The following KPNA7 variants were observed in gnomAD, a reference collection of about 807,000 sequenced individuals.
KPNA7 encodes the protein karyopherin subunit alpha 7, also known as importin subunit alpha-8.
Under a neutral mutation model 53.7 loss-of-function variants are expected in KPNA7, and 54 were observed. That is an observed-to-expected ratio of 1.01 (90% CI 0.81 to 1.26). KPNA7 has a LOEUF of 1.26. Among genes scored for constraint, KPNA7 ranks in the 50% most tolerant of loss-of-function variants. KPNA7 has a pLI of 0.00. For missense variants in KPNA7, 640 were observed against 644.5 expected (o/e 0.99, Z 0.07); for synonymous variants, 276 against 259.3 (o/e 1.06, Z -0.62).
At chr7:99,201,623 A>G (rs1217880368) in intron 3 of KPNA7, among the ~76,000 whole-genome samples, 1 of 150,230 alleles carries the variant, frequency 6.7e-6, no homozygotes, top group Admixed American at 6.6e-5. Flanking sequence ...AGATCGTGCC[A>G]CTGCACTCCA....
chr7:99,148,939 A>G, the KPNA7 span, among the ~76,000 whole-genome samples: 2 of 122,260 alleles, frequency 1.6e-5, no homozygotes, highest in African/African-American at 6.1e-5. Flanking sequence ...AGTGTCGCCC[A>G]GGCTGGAGTA....
intron 4 of KPNA7, among the ~76,000 whole-genome samples, chr7:99,195,539 TAAG>T (rs1158304974): frequency 6.6e-6 from 1 of 152,028 alleles, no homozygotes; most frequent in Non-Finnish European, 1.5e-5. Flanking sequence ...CCATCTCTAC[TAAG>T]AATATAAAAA....
chr7:99,159,558 T>G, the KPNA7 span, among the ~76,000 whole-genome samples: 2 of 152,068 alleles, frequency 1.3e-5, no homozygotes, highest in African/African-American at 4.8e-5. Context: ...ATGATCACAT[T>G]GCCAATTCCA....
the KPNA7 span, among the ~76,000 whole-genome samples, chr7:99,153,329 G>A: frequency 1.3e-5 from 2 of 151,978 alleles, no homozygotes; most frequent in Admixed American, 6.6e-5. Flanking sequence ...AGGCCGAGGC[G>A]GACAGATCAC....
intron 1 of KPNA7, among the ~76,000 whole-genome samples, chr7:99,214,793 C>G (rs1791175356): frequency 1.4e-5 from 2 of 145,358 alleles, no homozygotes; most frequent in Admixed American, 1.4e-4. Context: ...CTATGGGTGG[C>G]ACTTAACACA....
upstream of KPNA7, among the ~76,000 whole-genome samples, chr7:99,211,753 A>G (rs1441987271): frequency 6.6e-6 from 1 of 152,154 alleles, no homozygotes; most frequent in African/African-American, 2.4e-5. Flanking sequence ...TGGGTTTCAG[A>G]TCCTGGTGGC....
intron 1 of KPNA7, among the ~76,000 whole-genome samples, chr7:99,216,418 G>A (rs1563094765): frequency 6.6e-6 from 1 of 152,148 alleles, no homozygotes; most frequent in East Asian, 1.9e-4. Context: ...CCACCTAGGG[G>A]TTTTATTTAT....
chr7:99,187,798 TTAA>T (rs1789685771), intron 7 of KPNA7, among the ~76,000 whole-genome samples: 3 of 2,882 alleles, frequency 1.0e-3, no homozygotes, highest in African/African-American at 1.6e-3. Context: ...GCCTTTTTTT[TTAA>T]AAAAAAAAAA....
chr7:99,188,195 A>AAAAAAAAAAAAAAAAAAG (rs779112006), intron 7 of KPNA7, 105 bp downstream of exon 7: 1 of 526,412 alleles, frequency 1.9e-6, no homozygotes, highest in African/African-American at 2.1e-5. Flanking sequence ...AAAAAAAAAA[A>AAAAAAAAAAAAAAAAAAG]AAAGCAAAGA....
chr7:99,183,214 T>A (rs1056079372), intron 8 of KPNA7, among the ~76,000 whole-genome samples: 5 of 152,154 alleles, frequency 3.3e-5, no homozygotes, highest in Non-Finnish European at 7.3e-5. Context: ...ATTGTCCCAC[T>A]GCACTCCAGT....
chr7:99,150,838 G>A, the KPNA7 span, among the ~76,000 whole-genome samples: 207 of 152,220 alleles, frequency 1.4e-3, no homozygotes, highest in Non-Finnish European at 1.9e-3. Flanking sequence ...TGCAGAACCC[G>A]TAACCAAATC....
At chr7:99,181,227 G>A (rs1208237652) in intron 9 of KPNA7, among the ~76,000 whole-genome samples, 1 of 151,074 alleles carries the variant, frequency 6.6e-6, no homozygotes, top group Non-Finnish European at 1.5e-5. Context: ...CTCTCCGTCT[G>A]TCTTTCTCTG....
the KPNA7 span, among the ~76,000 whole-genome samples, chr7:99,167,039 T>A: frequency 6.6e-6 from 1 of 152,230 alleles, no homozygotes; most frequent in Non-Finnish European, 1.5e-5. Flanking sequence ...ATTCCCATAA[T>A]ATTTAGAATA....
At chr7:99,172,181 A>C (rs976380286), downstream of KPNA7, among the ~76,000 whole-genome samples, 1 of 152,214 alleles carries the variant, frequency 6.6e-6, no homozygotes, top group African/African-American at 2.4e-5. Context: ...AAAAATGGCT[A>C]TCTCTTCTGT....
chr7:99,190,411 G>T (rs1225842565), intron 6 of KPNA7, among the ~76,000 whole-genome samples: 1 of 151,892 alleles, frequency 6.6e-6, no homozygotes, highest in Non-Finnish European at 1.5e-5. Flanking sequence ...ACCAAACCTG[G>T]TTTTCTATGG....
downstream of KPNA7, among the ~76,000 whole-genome samples, chr7:99,170,442 A>C (rs1025941322): frequency 5.5e-5 from 8 of 146,054 alleles, no homozygotes; most frequent in Admixed American, 5.7e-4. Flanking sequence ...AGAATGGGAC[A>C]AGAAAATGAG....
At chr7:99,157,365 A>G in the KPNA7 span, among the ~76,000 whole-genome samples, 3 of 152,076 alleles carry the variant, frequency 2.0e-5, no homozygotes, top group Non-Finnish European at 4.4e-5. Flanking sequence ...ATGCGCCACC[A>G]CACCCGGCTA....
At chr7:99,215,174 C>T (rs1299641371) in intron 1 of KPNA7, among the ~76,000 whole-genome samples, 1 of 151,692 alleles carries the variant, frequency 6.6e-6, no homozygotes, top group African/African-American at 2.4e-5. Context: ...GAGTTCGAGA[C>T]CAGCTTGGTC....
At chr7:99,190,580 G>T (rs536282604) in intron 6 of KPNA7, among the ~76,000 whole-genome samples, 1 of 152,076 alleles carries the variant, frequency 6.6e-6, no homozygotes, top group African/African-American at 2.4e-5. Flanking sequence ...TTAGCCTGTG[G>T]CTTCTGTGGC....
Sources: allele counts gnomAD v4.1 joint callset (sites outside exome capture counted in the v4.1 genomes callset), GRCh38; gene constraint gnomAD v4.1.1; transcripts MANE v1.5; gene names NCBI Gene and HGNC (gene_info 2026-07-23, HGNC 2026-07-21).